DACT2: variants seen among roughly 807,000 people sequenced by gnomAD.
The protein encoded by DACT2 is dishevelled binding antagonist of beta catenin 2, also known as dapper homolog 2.
DACT2 carries 20 observed loss-of-function variants against 22.2 expected under a neutral mutation model. The ratio of observed to expected loss-of-function variants is 0.90; its 90% CI spans 0.63 to 1.31. The LOEUF is 1.31. DACT2 is among the 50% of genes most tolerant of loss of function. DACT2 has a pLI of 0.00. For synonymous variants in DACT2, 463 were observed against 479.8 expected, an observed-to-expected ratio of 0.96 and a Z score of 0.46; for missense variants, 1,048 against 1,061.4, an observed-to-expected ratio of 0.99 and a Z score of 0.18.
At chr6:168,297,851 G>A (rs142054093) in intron 3 of DACT2, among the ~76,000 whole-genome samples, 34 of 152,386 alleles carry the variant, frequency 2.2e-4, no homozygotes, top group Non-Finnish European at 4.6e-4. Flanking sequence ...CAATGGCCCA[G>A]TCAAGGGCAG....
At chr6:168,313,437 C>G (rs1006115352) in intron 1 of DACT2, among the ~76,000 whole-genome samples, 1 of 152,198 alleles carries the variant, frequency 6.6e-6, no homozygotes, top group East Asian at 1.9e-4. Context: ...CCCAGCTTCA[C>G]GTAAACATAC....
chr6:168,293,471 G>A (rs532062001), exon 6 of DACT2: 232 of 157,726 alleles, frequency 1.5e-3, no homozygotes, highest in African/African-American at 5.3e-3. Flanking sequence ...AAATATAGAA[G>A]GGGCTTTAAA....
chr6:168,297,876 G>A (rs1165677237), intron 3 of DACT2, among the ~76,000 whole-genome samples: 3 of 152,256 alleles, frequency 2.0e-5, no homozygotes, highest in Non-Finnish European at 2.9e-5. Context: ...GGGCAGACAC[G>A]GGCGTGTGGA....
At chr6:168,299,144 T>C (rs1290834527) in intron 3 of DACT2, 1 of 152,232 alleles carries the variant, frequency 6.6e-6, no homozygotes, top group Non-Finnish European at 1.5e-5. Flanking sequence ...CCCTAAATTA[T>C]ATGTGGAAAA....
At chr6:168,296,805 G>A (rs556408094) in intron 3 of DACT2, among the ~76,000 whole-genome samples, 1 of 152,166 alleles carries the variant, frequency 6.6e-6, no homozygotes, top group East Asian at 1.9e-4. Context: ...CCCTAAATAT[G>A]ATGACATTGA....
At chr6:168,313,913 C>G (rs1416865758) in intron 1 of DACT2, among the ~76,000 whole-genome samples, 1 of 152,162 alleles carries the variant, frequency 6.6e-6, no homozygotes, top group Non-Finnish European at 1.5e-5. Flanking sequence ...ACACACAGAG[C>G]TCTCAGGCAC....
chr6:168,303,437 T>C (rs559127991), downstream of DACT2, among the ~76,000 whole-genome samples: 1 of 152,186 alleles, frequency 6.6e-6, no homozygotes, highest in Admixed American at 6.5e-5. Context: ...AATGGCCTAG[T>C]TCCCGAGAGA....
chr6:168,300,965 G>GAC (rs1011615674), intron 3 of DACT2, among the ~76,000 whole-genome samples: 1 of 152,040 alleles, frequency 6.6e-6, no homozygotes, highest in African/African-American at 2.4e-5. Context: ...CAGCCTGGGC[G>GAC]ACAGATTGAC....
At chr6:168,301,407 C>T (rs1194060807) in intron 3 of DACT2, among the ~76,000 whole-genome samples, 1 of 152,248 alleles carries the variant, frequency 6.6e-6, no homozygotes, top group Non-Finnish European at 1.5e-5. Flanking sequence ...CCACACCTGC[C>T]CAGAAAGCCG....
In DACT2 at chr6:168,319,709, G is replaced by A; in HGVS notation, c.-76C>T. On this transcript the variant is annotated 5_prime_UTR_variant, in exon 1 of 4. Coordinates refer to ENST00000366795, the MANE Select transcript of DACT2 (RefSeq NM_214462.5). Reference sequence around the variant, plus strand: ...CCAGCGCGCGCGGATCCCGAGCTGTGTCGCGGGTCCTCCTGCGCCTCCTCT... The same window carrying A: ...CCAGCGCGCGCGGATCCCGAGCTGTATCGCGGGTCCTCCTGCGCCTCCTCT... 1 of 1,186,710 alleles carries A rather than the reference G, an allele frequency of 8.4e-7. No homozygotes were observed. Among genetic ancestry groups the A allele is most frequent in the East Asian group, 3.6e-5 (1 of 27,610 alleles). The allele number at this position is 1,186,710 out of a possible 1,614,324, so 73.5% of individuals were successfully genotyped here.
chr6:168,309,536 G>A (rs945161796), intron 3 of DACT2, among the ~76,000 whole-genome samples: 3 of 83,930 alleles, frequency 3.6e-5, no homozygotes, highest in African/African-American at 1.3e-4. Context: ...GAGAGTGCAT[G>A]GGCAGGGAGA....
chr6:168,297,053 T>A (rs567194810), intron 3 of DACT2, among the ~76,000 whole-genome samples: 1 of 152,232 alleles, frequency 6.6e-6, no homozygotes, highest in Admixed American at 6.5e-5. Flanking sequence ...AACCTCATTA[T>A]AAACTGAGAA....
intron 3 of DACT2, among the ~76,000 whole-genome samples, chr6:168,295,104 C>A (rs1421000569): frequency 1.3e-5 from 2 of 152,194 alleles, no homozygotes; most frequent in Non-Finnish European, 2.9e-5. Flanking sequence ...TTTGGAGCCA[C>A]TCCAACTGTT....
intron 1 of DACT2, among the ~76,000 whole-genome samples, chr6:168,314,016 TTGTAACCCCGACC>T (rs1175013825): frequency 1.3e-5 from 2 of 152,142 alleles, no homozygotes; most frequent in East Asian, 3.9e-4. Flanking sequence ...CCGACCGCGC[TTGTAACCCCGACC>T]GCTGTCCCGA....
chr6:168,310,038 C>G, intron 3 of DACT2, 130 bp downstream of exon 3: 2 of 1,395,702 alleles, frequency 1.4e-6, no homozygotes, highest in Non-Finnish European at 1.9e-6. Flanking sequence ...CGGAGGCCTT[C>G]CAGCGTCCCT....
chr6:168,312,354 G>A (rs558258835), intron 1 of DACT2, among the ~76,000 whole-genome samples: 58 of 152,206 alleles, frequency 3.8e-4, no homozygotes, highest in East Asian at 5.8e-4. Context: ...GCACCATCAC[G>A]CCCTGCTAAT....
At chr6:168,315,026 G>T (rs990732812) in intron 1 of DACT2, among the ~76,000 whole-genome samples, 2 of 152,186 alleles carry the variant, frequency 1.3e-5, no homozygotes, top group Admixed American at 1.3e-4. Context: ...AGCAAGCACA[G>T]CCGGCCCAAG....
chr6:168,297,359 G>A (rs1169202294), intron 3 of DACT2, among the ~76,000 whole-genome samples: 1 of 152,198 alleles, frequency 6.6e-6, no homozygotes, highest in African/African-American at 2.4e-5. Flanking sequence ...TGGACCCAGT[G>A]TGATAATCAC....
intron 1 of DACT2, among the ~76,000 whole-genome samples, chr6:168,312,791 G>A (rs146594777): frequency 2.6e-5 from 4 of 152,264 alleles, no homozygotes; most frequent in South Asian, 2.1e-4. Context: ...TAGGCCTCAG[G>A]GAATTACTTC....
Sources: allele counts gnomAD v4.1 joint callset (sites outside exome capture counted in the v4.1 genomes callset), GRCh38; gene constraint gnomAD v4.1.1; transcripts MANE v1.5; gene names NCBI Gene and HGNC (gene_info 2026-07-23, HGNC 2026-07-21).